Variants in KCNK10 observed in about 807,000 individuals in gnomAD.
The protein encoded by KCNK10 is potassium channel subfamily K member 10.
A neutral mutation model predicts 47.7 loss-of-function variants in KCNK10; 25 were observed. The observed-to-expected ratio is 0.52, with a 90% CI of 0.38 to 0.73. KCNK10 has a LOEUF of 0.73. KCNK10 is among the 30% of genes least tolerant of loss of function. The pLI is 0.00. For missense variants in KCNK10, 563 were observed against 714.5 expected, an observed-to-expected ratio of 0.79 and a Z score of 2.42; for synonymous variants, 303 against 285.6, an observed-to-expected ratio of 1.06 and a Z score of -0.61.
At chr14:88,302,300 C>T (rs1888117539) in intron 1 of KCNK10, among the ~76,000 whole-genome samples, 1 of 152,166 alleles carries the variant, frequency 6.6e-6, no homozygotes, top group Admixed American at 6.5e-5. Flanking sequence ...TCAGGAGAAC[C>T]TACAGATCCT....
intron 1 of KCNK10, among the ~76,000 whole-genome samples, chr14:88,293,819 G>A (rs1369545012): frequency 1.3e-5 from 2 of 151,842 alleles, no homozygotes; most frequent in Non-Finnish European, 2.9e-5. Context: ...GGGACTATAG[G>A]CATGCACCAC....
rs1298803066 is a variant in KCNK10, at chr14:88,180,811, A to AG, written c.*4723dup. ...CAATGAAGGTATGGTGCAGAGACAGAGGACAGGGCTTTGCTTACAGCCATG... is the reference window on the plus strand; with the variant it reads ...CAATGAAGGTATGGTGCAGAGACAGAGGGACAGGGCTTTGCTTACAGCCATG... On this transcript the variant is annotated 3_prime_UTR_variant, in exon 7 of 7. Transcript: ENST00000319231. 6 of 398,796 alleles carry AG rather than the reference A, an allele frequency of 1.5e-5. No homozygotes were observed. The highest frequency in any genetic ancestry group is 2.7e-5 in the Non-Finnish European group (6 of 226,076). 24.7% of individuals were successfully genotyped at this position (398,796 alleles called of 1,614,324 possible). A position where few individuals can be genotyped will look rare whatever the true frequency, so the allele number is the denominator to read the frequency against.
chr14:88,251,418 A>T (rs534049175), intron 2 of KCNK10, among the ~76,000 whole-genome samples: 9 of 152,152 alleles, frequency 5.9e-5, no homozygotes, highest in African/African-American at 2.2e-4. Context: ...AGGTCATCCA[A>T]GAGAGTCTAG....
At chr14:88,310,859 G>A (rs1386971621) in intron 1 of KCNK10, among the ~76,000 whole-genome samples, 1 of 152,148 alleles carries the variant, frequency 6.6e-6, no homozygotes, top group Admixed American at 6.5e-5. Context: ...GCTGAACTGA[G>A]AGCCACATGC....
At chr14:88,201,206 A>G (rs931399783) in intron 4 of KCNK10, among the ~76,000 whole-genome samples, 6 of 152,228 alleles carry the variant, frequency 3.9e-5, no homozygotes, top group African/African-American at 1.4e-4. Context: ...GATCTCATCT[A>G]AGTTTTATAC....
Position 88,185,461 on chromosome 14 carries a change from T to G in KCNK10, c.*74A>C. The stretch of plus-strand genomic sequence containing the variant: ...GACTAAAAAGTCTGTTTAAGGCACA[T>G]GTCTCAGTGTGAATATTAAAAACAC... On this transcript the variant is annotated 3_prime_UTR_variant, in exon 7 of 7. Coordinates refer to ENST00000319231, the MANE Select transcript of KCNK10 (RefSeq NM_138317.3). This position sits in a 1 kb window ranked among gnomAD's most constrained non-coding sequence, Gnocchi z 4.3. The G allele has an allele frequency of 6.5e-7, 1 of 1,526,978 alleles. No homozygotes were observed. Among genetic ancestry groups the G allele is most frequent in the Non-Finnish European group, 8.8e-7 (1 of 1,138,520 alleles). The allele number at this position is 1,526,978 out of a possible 1,614,324, so 94.6% of individuals were successfully genotyped here. A position where few individuals can be genotyped will look rare whatever the true frequency, so the allele number is the denominator to read the frequency against.
intron 1 of KCNK10, among the ~76,000 whole-genome samples, chr14:88,274,862 C>T (rs527810302): frequency 1.3e-5 from 2 of 152,272 alleles, no homozygotes; most frequent in South Asian, 4.1e-4. Context: ...CCAAGCCACC[C>T]ACCACCGGGT....
At chr14:88,323,399 G>T, upstream of KCNK10, 1 of 647,482 alleles carries the variant, frequency 1.5e-6, no homozygotes, top group Non-Finnish European at 1.9e-6. Flanking sequence ...GTGGCGCGGC[G>T]CCCGGGCAGC....
chr14:88,269,432 T>G (rs2139761060), intron 1 of KCNK10, among the ~76,000 whole-genome samples: 1 of 152,252 alleles, frequency 6.6e-6, no homozygotes, highest in South Asian at 2.1e-4. Context: ...CATGAAGCTG[T>G]TTTTGTTTTG....
At chr14:88,217,038 C>A (rs548213231) in intron 4 of KCNK10, among the ~76,000 whole-genome samples, 76 of 152,224 alleles carry the variant, frequency 5.0e-4, no homozygotes, top group African/African-American at 1.8e-3. Context: ...GCGCCTGTAG[C>A]CGCAGCTACT....
intron 1 of KCNK10, among the ~76,000 whole-genome samples, chr14:88,264,143 T>C (rs1887193124): frequency 6.6e-6 from 1 of 152,194 alleles, no homozygotes; most frequent in African/African-American, 2.4e-5. Flanking sequence ...AGTAATAGAA[T>C]TTTTCTTCTA....
intron 2 of KCNK10, among the ~76,000 whole-genome samples, chr14:88,259,940 C>CTTTTTG (rs780670437): frequency 1.8e-4 from 27 of 152,010 alleles, no homozygotes; most frequent in African/African-American, 4.4e-4. Context: ...GTTTGTTTGG[C>CTTTTTG]TTTTTGTTTT....
intron 4 of KCNK10, among the ~76,000 whole-genome samples, chr14:88,196,119 C>T (rs556087332): frequency 3.9e-5 from 6 of 152,338 alleles, no homozygotes; most frequent in South Asian, 4.1e-4. Flanking sequence ...TAGACTAGAG[C>T]GCATGTTCTT....
chr14:88,238,060 G>A (rs1886346921), intron 3 of KCNK10, among the ~76,000 whole-genome samples: 2 of 152,174 alleles, frequency 1.3e-5, no homozygotes, highest in African/African-American at 2.4e-5. Context: ...TGGATAATTT[G>A]CTGTAGCTTC....
At chr14:88,271,906 T>A (rs1348642131) in intron 1 of KCNK10, among the ~76,000 whole-genome samples, 2 of 151,436 alleles carry the variant, frequency 1.3e-5, no homozygotes, top group Non-Finnish European at 1.5e-5. Flanking sequence ...TCTTCTTGTA[T>A]TTATAAACCA....
In KCNK10 at chr14:88,272,481, T is replaced by TG. The variant is rs535360501; in HGVS notation, c.53-8931dup. 3.7e-4 allele frequency among the ~76,000 whole-genome samples: 56 copies of TG among 151,540 alleles called. No individual in the cohort carries two copies. The East Asian group carries it at 7.2e-3, about 20-fold the overall frequency. ...GGTGGAGAGGAAGGCGGAACAGCAA[T>TG]GGGGGGGCAACAGATACAAAGACAC... is the stretch of plus-strand genomic sequence containing the variant. On this transcript the variant is annotated intron_variant, in intron 1 of 6. Coordinates refer to ENST00000319231, the MANE Select transcript of KCNK10 (RefSeq NM_138317.3).
chr14:88,272,154 A>T (rs189031094), intron 1 of KCNK10, among the ~76,000 whole-genome samples: 285 of 152,276 alleles, frequency 1.9e-3, no homozygotes, highest in Admixed American at 4.5e-3. Context: ...CTGGAAAGGG[A>T]CAGAAGCAGT....
chr14:88,274,151 T>C (rs1275189533), intron 1 of KCNK10, among the ~76,000 whole-genome samples: 1 of 149,938 alleles, frequency 6.7e-6, no homozygotes, highest in African/African-American at 2.5e-5. Context: ...GTTCTTTCCC[T>C]GGCCTCCAAT....
intron 1 of KCNK10, among the ~76,000 whole-genome samples, chr14:88,276,563 C>T (rs151249718): frequency 2.0e-5 from 3 of 152,198 alleles, no homozygotes; most frequent in Non-Finnish European, 4.4e-5. Flanking sequence ...TCATCCTACC[C>T]TCCCTGTGTT....
Sources: gnomAD v4.1 joint callset for allele counts (sites outside exome capture counted in the v4.1 genomes callset) on GRCh38, gnomAD v4.1.1 for gene constraint, Gnocchi (gnomAD v3.1) non-coding constraint, MANE v1.5 for transcripts, NCBI Gene and HGNC (gene_info 2026-07-23, HGNC 2026-07-21) for gene names.